Variants in BAG2 observed in about 807,000 individuals in gnomAD.
BAG2 encodes the protein BAG cochaperone 2.
Under a neutral mutation model 16.4 loss-of-function variants are expected in BAG2, and 8 were observed. That is an observed-to-expected ratio of 0.49 (90% CI 0.29 to 0.88). The LOEUF (loss-of-function observed/expected upper bound fraction) is 0.88, where lower values mean the gene tolerates loss of function less well. BAG2 is among the 40% of genes least tolerant of loss of function. The pLI is 0.09. For missense variants in BAG2, 218 were observed against 248.9 expected (o/e 0.88, Z 0.84); for synonymous variants, 82 against 89.2 (o/e 0.92, Z 0.46).
rs1160279640 is a variant in BAG2, at chr6:57,188,834, T to C, written c.*4644T>C. The C allele has an allele frequency of 6.6e-6, 1 of 152,184 alleles. No homozygotes were observed. Among genetic ancestry groups the C allele is most frequent in the African/African-American group, 2.4e-5 (1 of 41,438 alleles). The allele number at this position is 152,184 out of a possible 1,614,324, so 9.4% of individuals were successfully genotyped here. Reference sequence around the variant, plus strand: ...CCATCTAAAATGGCAAAGAGAACATTTACTTTTGATCACTTAACAAGGACA... The same window carrying C: ...CCATCTAAAATGGCAAAGAGAACATCTACTTTTGATCACTTAACAAGGACA... On this transcript the variant is annotated 3_prime_UTR_variant, in exon 3 of 3. Transcript: ENST00000370693.
At chr6:57,182,236 C>A in intron 2 of BAG2, 95 bp downstream of exon 2, 2 of 958,572 alleles carry the variant, frequency 2.1e-6, no homozygotes, top group Non-Finnish European at 3.2e-6. Flanking sequence ...TTTTGGTATG[C>A]GTACACCAGG....
chr6:57,184,364 CA>C lies in BAG2; in HGVS notation c.*176del. The C allele has an allele frequency of 1.9e-6, 1 of 521,746 alleles. No individual in the cohort carries two copies. The highest frequency in any genetic ancestry group is 3.1e-6 in the Non-Finnish European group (1 of 327,364). The allele number at this position is 521,746 out of a possible 1,614,324, so 32.3% of individuals were successfully genotyped here. A position where few individuals can be genotyped will look rare whatever the true frequency, so the allele number is the denominator to read the frequency against. On this transcript the variant is annotated 3_prime_UTR_variant, in exon 3 of 3. Transcript: ENST00000370693. ...TCAGTTTTGTGAATAACAAAACTAG[CA>C]ATATTTTAATTATCTATCTAGAGAT...
At chr6:57,181,607 C>T (rs62415928) in intron 1 of BAG2, among the ~76,000 whole-genome samples, 13,540 of 151,850 alleles carry the variant, frequency 0.089, 666 homozygotes, top group East Asian at 0.096. Flanking sequence ...GGCTGAGGCA[C>T]GAGAATCACT....
Position 57,184,221 on chromosome 6 carries a change from A to C in BAG2, c.*31A>C. ...AAACCTAAGAGCATTTACACAATAC[A>C]CAAGGTGTAAAAATGATAAAATACT... On this transcript the variant is annotated 3_prime_UTR_variant, in exon 3 of 3. Coordinates refer to ENST00000370693, the MANE Select transcript of BAG2 (RefSeq NM_004282.4). 6 of 1,475,868 alleles carry C rather than the reference A, an allele frequency of 4.1e-6. No homozygotes were observed. The highest frequency in any genetic ancestry group is 5.4e-6 in the Non-Finnish European group (6 of 1,117,036). The allele number at this position is 1,475,868 out of a possible 1,614,324, so 91.4% of individuals were successfully genotyped here.
rs1437793854 is a variant in BAG2 at position 57,188,191 on chromosome 6, A to G, written c.*4001A>G. The G allele has an allele frequency of 1.3e-5, 2 of 152,188 alleles. No homozygotes were observed. Among genetic ancestry groups the G allele is most frequent in the Non-Finnish European group, 2.9e-5 (2 of 67,996 alleles). 9.4% of individuals were successfully genotyped at this position (152,188 alleles called of 1,614,324 possible). Reference sequence around the variant, plus strand: ...TTAAGAGAATGAAGGGTCTTGGAAAAAAAATGTCAATTTTTGAAGGCTTTA... The same window carrying G: ...TTAAGAGAATGAAGGGTCTTGGAAAGAAAATGTCAATTTTTGAAGGCTTTA... On this transcript the variant is annotated 3_prime_UTR_variant, in exon 3 of 3. Coordinates refer to ENST00000370693, the MANE Select transcript of BAG2 (RefSeq NM_004282.4).
At position 57,184,279 on chromosome 6, in the gene BAG2, T is replaced by TAACC; in HGVS notation, c.*91_*94dup. 8.0e-7 allele frequency: 1 copy of TAACC among 1,249,528 alleles called. No individual in the cohort carries two copies. Among genetic ancestry groups the TAACC allele is most frequent in the Non-Finnish European group, 1.0e-6 (1 of 962,230 alleles). 77.4% of individuals were successfully genotyped at this position (1,249,528 alleles called of 1,614,324 possible). ...TTGATAACTAGTTCTTTGTTAGGTA[T>TAACC]AACCACTTAGTTGACACTGATAGTT... is the stretch of plus-strand genomic sequence containing the variant. On this transcript the variant is annotated 3_prime_UTR_variant, in exon 3 of 3. Transcript: ENST00000370693.
rs761826879 is a variant in BAG2, at chr6:57,172,818, C to G, written c.113+8C>G. 4.6e-6 allele frequency: 7 copies of G among 1,511,136 alleles called. No homozygotes were observed. The highest frequency in any genetic ancestry group is 4.5e-4 in the Middle Eastern group (2 of 4,458). 93.6% of individuals were successfully genotyped at this position (1,511,136 alleles called of 1,614,324 possible). A position where few individuals can be genotyped will look rare whatever the true frequency, so the allele number is the denominator to read the frequency against. On this transcript the variant is annotated splice_region_variant and intron_variant, in intron 1 of 2. Coordinates refer to ENST00000370693, the MANE Select transcript of BAG2 (RefSeq NM_004282.4). ...GGACCAGCTGGAGCTCAGGTGAGCT[C>G]CGGGCGGGCGGTCTCGGGCGTTCTG... is the stretch of plus-strand genomic sequence containing the variant.
At chr6:57,177,647 C>T (rs1041396238) in intron 1 of BAG2, among the ~76,000 whole-genome samples, 1 of 152,120 alleles carries the variant, frequency 6.6e-6, no homozygotes, top group Non-Finnish European at 1.5e-5. Flanking sequence ...TCAGTGCTAT[C>T]AGTCACTGTT....
intron 1 of BAG2, among the ~76,000 whole-genome samples, chr6:57,176,843 C>T (rs185491375): frequency 2.2e-4 from 34 of 152,176 alleles, no homozygotes; most frequent in Middle Eastern, 3.4e-3. Context: ...AAGAACCCTT[C>T]GAGTTAGGTG....
In BAG2 at chr6:57,189,454, G is replaced by GTT. The variant is rs1010041611; in HGVS notation, c.*5265_*5266dup. On this transcript the variant is annotated 3_prime_UTR_variant, in exon 3 of 3. Coordinates refer to ENST00000370693, the MANE Select transcript of BAG2 (RefSeq NM_004282.4). Reference sequence around the variant, plus strand: ...GGGTTCTCAGTGAGCAGCAAAAGGTGTTAGATGCATCACCACACTTCACAG... The same window carrying GTT: ...GGGTTCTCAGTGAGCAGCAAAAGGTGTTTTAGATGCATCACCACACTTCACAG... 2.0e-5 allele frequency: 3 copies of GTT among 152,170 alleles called. No individual in the cohort carries two copies. The highest frequency in any genetic ancestry group is 7.2e-5 in the African/African-American group (3 of 41,430). 9.4% of individuals were successfully genotyped at this position (152,170 alleles called of 1,614,324 possible).
chr6:57,179,150 G>A (rs977657232), intron 1 of BAG2, among the ~76,000 whole-genome samples: 8 of 152,256 alleles, frequency 5.3e-5, no homozygotes, highest in Middle Eastern at 3.4e-3. Context: ...TGCCAACTCC[G>A]TCTCTTTCCT....
chr6:57,175,420 ATC>A (rs144670802), intron 1 of BAG2, among the ~76,000 whole-genome samples: 44 of 152,118 alleles, frequency 2.9e-4, no homozygotes, highest in African/African-American at 9.4e-4. Context: ...AGGAAAAAGA[ATC>A]TCTCTCTCTG....
At position 57,186,106 on chromosome 6, in the gene BAG2, TTTTG is replaced by T. The variant is rs971425823; in HGVS notation, c.*1920_*1923del. 1.3e-5 allele frequency: 2 copies of T among 152,376 alleles called. No homozygotes were observed. The highest frequency in any genetic ancestry group is 4.8e-5 in the African/African-American group (2 of 41,382). The allele number at this position is 152,376 out of a possible 1,614,324, so 9.4% of individuals were successfully genotyped here. On this transcript the variant is annotated 3_prime_UTR_variant, in exon 3 of 3. Transcript: ENST00000370693. ...AGGGCAGGGAATCTCCAGTGTGGTT[TTTTG>T]TTTTTTTGTTTTTTGTTTTGGAGTC...
Position 57,189,206 on chromosome 6 carries a change from G to T in BAG2, c.*5016G>T, listed in dbSNP as rs1764735118. 1 of 152,110 alleles carries T rather than the reference G, an allele frequency of 6.6e-6. No individual in the cohort carries two copies. Among genetic ancestry groups the T allele is most frequent in the Admixed American group, 6.5e-5 (1 of 15,270 alleles). The allele number at this position is 152,110 out of a possible 1,614,324, so 9.4% of individuals were successfully genotyped here. ...TATTAAATCATTTTGTAAAAGAAAT[G>T]ATTCTGTATGTGGGACTGACAGCTC... On this transcript the variant is annotated 3_prime_UTR_variant, in exon 3 of 3. Coordinates refer to ENST00000370693, the MANE Select transcript of BAG2 (RefSeq NM_004282.4).
At position 57,173,390 on chromosome 6, in the gene BAG2, A is replaced by G. The variant is rs892870832; in HGVS notation, c.113+580A>G. 5.1e-6 allele frequency: 5 copies of G among 985,302 alleles called. No homozygotes were observed. In the East Asian group the frequency reaches 5.7e-4, roughly 112 times the overall value. 61.0% of individuals were successfully genotyped at this position (985,302 alleles called of 1,614,324 possible). ...CAGTAAGTTACCGGGTGCTTCGTGC[A>G]GCAGAGACGTTGCCGCTTCTGTTTC... On this transcript the variant is annotated intron_variant, in intron 1 of 2. Coordinates refer to ENST00000370693, the MANE Select transcript of BAG2 (RefSeq NM_004282.4).
At chr6:57,179,564 G>A (rs1764379411) in intron 1 of BAG2, among the ~76,000 whole-genome samples, 1 of 152,178 alleles carries the variant, frequency 6.6e-6, no homozygotes, top group Non-Finnish European at 1.5e-5. Flanking sequence ...TAAGACAGCA[G>A]TTAGGATTAG....
intron 1 of BAG2, chr6:57,174,404 A>G (rs2127991932): frequency 1.5e-6 from 2 of 1,303,942 alleles, no homozygotes; most frequent in Non-Finnish European, 2.0e-6. Context: ...TGGTAGGTAC[A>G]AAAGCACTCT....
In BAG2 at chr6:57,189,219, G is replaced by T. The variant is rs918895783; in HGVS notation, c.*5029G>T. 1 of 152,084 alleles carries T rather than the reference G, an allele frequency of 6.6e-6. No individual in the cohort carries two copies. The highest frequency in any genetic ancestry group is 1.5e-5 in the Non-Finnish European group (1 of 68,006). The allele number at this position is 152,084 out of a possible 1,614,324, so 9.4% of individuals were successfully genotyped here. ...TGTAAAAGAAATGATTCTGTATGTGGGACTGACAGCTCTTGAGAAAGTGCT... is the reference window on the plus strand; with the variant it reads ...TGTAAAAGAAATGATTCTGTATGTGTGACTGACAGCTCTTGAGAAAGTGCT... On this transcript the variant is annotated 3_prime_UTR_variant, in exon 3 of 3. Coordinates refer to ENST00000370693, the MANE Select transcript of BAG2 (RefSeq NM_004282.4).
intron 1 of BAG2, among the ~76,000 whole-genome samples, chr6:57,175,065 T>C (rs958150083): frequency 1.3e-5 from 2 of 152,238 alleles, no homozygotes; most frequent in African/African-American, 4.8e-5. Context: ...AATTTATCAA[T>C]ACAGTAGCCC....
Sources: allele counts gnomAD v4.1 joint callset (sites outside exome capture counted in the v4.1 genomes callset), GRCh38; gene constraint gnomAD v4.1.1; transcripts MANE v1.5; gene names NCBI Gene and HGNC (gene_info 2026-07-23, HGNC 2026-07-21).